Variants in PCCB observed in about 807,000 individuals in gnomAD.
The protein encoded by PCCB is propionyl-CoA carboxylase beta chain, mitochondrial.
PCCB carries 43 observed loss-of-function variants against 60.7 expected under a neutral mutation model. That is an observed-to-expected ratio of 0.71 (90% CI 0.55 to 0.91). The LOEUF is 0.91. Among genes scored for constraint, PCCB ranks in the 40% least tolerant of loss-of-function variants. The pLI is 0.00. For missense variants in PCCB, 766 were observed against 702.8 expected, an observed-to-expected ratio of 1.09 and a Z score of -1.02; for synonymous variants, 276 against 255.9, an observed-to-expected ratio of 1.08 and a Z score of -0.75.
chr3:136,300,845 C>G (rs1185917983), intron 8 of PCCB, among the ~76,000 whole-genome samples, 185 bp from the exon 9 acceptor site: 1 of 152,150 alleles, frequency 6.6e-6, no homozygotes, highest in Non-Finnish European at 1.5e-5. Flanking sequence ...TGATACTTGT[C>G]CCAGGTTCAG....
Position 136,304,826 on chromosome 3 carries a change from T to G in PCCB, c.966+3715T>G, listed in dbSNP as rs111723216. On this transcript the variant is annotated intron_variant, in intron 9 of 14. Transcript: ENST00000251654. The stretch of plus-strand genomic sequence containing the variant: ...CCTGCCTCAACCTCCTGAATAGCTG[T>G]GATTTCAGGCACCCGCCACCACGCT... Among the ~76,000 whole-genome samples the G allele has an allele frequency of 0.018, 2,159 of 119,024 alleles. 390 individuals carry two copies. The East Asian group carries it at 0.24, about 13-fold the overall frequency. The allele number at this position is 119,024 out of a possible 152,430, so 78.1% of individuals were successfully genotyped here.
chr3:136,309,861 T>G (rs112359364), intron 9 of PCCB, among the ~76,000 whole-genome samples: 7 of 150,582 alleles, frequency 4.6e-5, no homozygotes, highest in African/African-American at 1.5e-4. Context: ...GAAAACACAG[T>G]TTAACAGAAA....
chr3:136,300,879 T>C lies in PCCB; in HGVS notation c.885-151T>C. ...AGTTAATATGGTGGTTAAAAAGGAA[T>C]GACTCTTTGGTGACTGCTTTGTAAG... On this transcript the variant is annotated intron_variant, in intron 8 of 14. Coordinates refer to ENST00000251654, the MANE Select transcript of PCCB (RefSeq NM_000532.5). The C allele has an allele frequency of 4.3e-6, 3 of 697,372 alleles. No homozygotes were observed. The South Asian group carries it at 4.6e-5, about 11-fold the overall frequency. 43.2% of individuals were successfully genotyped at this position (697,372 alleles called of 1,614,324 possible). A position where few individuals can be genotyped will look rare whatever the true frequency, so the allele number is the denominator to read the frequency against.
chr3:136,259,105 A>T (rs1941754905), intron 3 of PCCB: 1 of 1,383,876 alleles, frequency 7.2e-7, no homozygotes, highest in Non-Finnish European at 9.4e-7. Flanking sequence ...TCTGAACATA[A>T]TGAAGATCCA....
At chr3:136,315,332 G>A (rs1934845320) in intron 9 of PCCB, among the ~76,000 whole-genome samples, 1 of 152,022 alleles carries the variant, frequency 6.6e-6, no homozygotes, top group Non-Finnish European at 1.5e-5. Context: ...GGTCGAGATC[G>A]AGACTATTCT....
At chr3:136,286,671 A>G (rs1933425771) in intron 6 of PCCB, among the ~76,000 whole-genome samples, 1 of 152,176 alleles carries the variant, frequency 6.6e-6, no homozygotes, top group East Asian at 1.9e-4. Context: ...ACTTCTTACT[A>G]ACAAAACTGC....
chr3:136,316,433 G>A (rs1002576326), intron 9 of PCCB, among the ~76,000 whole-genome samples: 6 of 151,978 alleles, frequency 3.9e-5, no homozygotes, highest in African/African-American at 1.5e-4. Context: ...TCCTGCCTCA[G>A]TCTCCTGAGT....
intron 6 of PCCB, among the ~76,000 whole-genome samples, chr3:136,292,133 G>A (rs1933721839): frequency 1.3e-5 from 2 of 152,010 alleles, no homozygotes; most frequent in African/African-American, 4.8e-5. Context: ...AAAAACTGTT[G>A]GTTTTTCCCC....
chr3:136,298,126 T>C, intron 8 of PCCB, 54 bp downstream of exon 8: 17 of 1,611,610 alleles, frequency 1.1e-5, no homozygotes, highest in Non-Finnish European at 1.4e-5. Context: ...CTTGCCTTTC[T>C]CTGCCCTGAC....
intron 5 of PCCB, among the ~76,000 whole-genome samples, chr3:136,264,816 A>T (rs1332320582): frequency 1.4e-5 from 2 of 140,964 alleles, no homozygotes; most frequent in Non-Finnish European, 3.0e-5. Context: ...CAGAGCTTGC[A>T]GTCAGCCAAG....
intron 5 of PCCB, among the ~76,000 whole-genome samples, chr3:136,267,982 T>C (rs1185462459): frequency 2.1e-5 from 3 of 141,260 alleles, no homozygotes; most frequent in Non-Finnish European, 4.6e-5. Context: ...GTTTCACTCT[T>C]GTCGCCCAGG....
intron 10 of PCCB, among the ~76,000 whole-genome samples, chr3:136,326,570 T>C (rs990883065): frequency 2.6e-5 from 4 of 152,240 alleles, no homozygotes; most frequent in Admixed American, 2.6e-4. Context: ...CTTTGGTCTG[T>C]AGTGAGTCTG....
At chr3:136,272,572 T>C (rs370130603) in intron 5 of PCCB, among the ~76,000 whole-genome samples, 1 of 152,148 alleles carries the variant, frequency 6.6e-6, no homozygotes, top group African/African-American at 2.4e-5. Context: ...TTCTTCCTGA[T>C]TTAGAGGATT....
In PCCB at chr3:136,317,087, C is replaced by T. The variant is rs1319684360; in HGVS notation, c.1090+23C>T. 6 of 1,613,752 alleles carry T rather than the reference C, an allele frequency of 3.7e-6. No individual in the cohort carries two copies. In the Admixed American group the frequency reaches 5.0e-5, roughly 13 times the overall value. On this transcript the variant is annotated intron_variant, in intron 10 of 14. Coordinates refer to ENST00000251654, the MANE Select transcript of PCCB (RefSeq NM_000532.5). ...CAGGTAGGATGGAGCTCTTATAAGCCTTGGTTTTGGGGTTGGAGGCCAGGG... is the reference window on the plus strand; with the variant it reads ...CAGGTAGGATGGAGCTCTTATAAGCTTTGGTTTTGGGGTTGGAGGCCAGGG...
At chr3:136,264,032 A>G (rs1279668073) in intron 5 of PCCB, among the ~76,000 whole-genome samples, 3 of 151,980 alleles carry the variant, frequency 2.0e-5, no homozygotes, top group African/African-American at 4.8e-5. Context: ...AAAAAATTCA[A>G]ACTTCACAGA....
intron 5 of PCCB, among the ~76,000 whole-genome samples, chr3:136,273,799 C>G (rs942593164): frequency 1.2e-4 from 17 of 147,548 alleles, no homozygotes; most frequent in African/African-American, 4.0e-4. Flanking sequence ...GTAGTCCCAG[C>G]TACTTGTGAG....
At chr3:136,268,055 T>C (rs1174074250) in intron 5 of PCCB, among the ~76,000 whole-genome samples, 3 of 103,550 alleles carry the variant, frequency 2.9e-5, no homozygotes, top group Non-Finnish European at 4.2e-5. Flanking sequence ...GGCTAGTGTG[T>C]GTGTGTGTGC....
intron 2 of PCCB, chr3:136,256,270 T>C (rs147489491): frequency 2.3e-5 from 13 of 565,610 alleles, no homozygotes; most frequent in Middle Eastern, 4.8e-4. Context: ...TCCTCCTTCA[T>C]GTAAGCATAG....
chr3:136,293,337 GTGAC>G (rs1209989290), intron 6 of PCCB, among the ~76,000 whole-genome samples: 2 of 152,188 alleles, frequency 1.3e-5, no homozygotes, highest in Non-Finnish European at 2.9e-5. Context: ...TTCATTTAAA[GTGAC>G]TGGTTGCATA....
Sources: allele counts gnomAD v4.1 joint callset (sites outside exome capture counted in the v4.1 genomes callset), GRCh38; gene constraint gnomAD v4.1.1; transcripts MANE v1.5; gene names NCBI Gene and HGNC (gene_info 2026-07-23, HGNC 2026-07-21).